Variants in DPP6 observed in about 807,000 individuals in gnomAD.
The protein encoded by DPP6 is dipeptidyl peptidase like 6, also known as A-type potassium channel modulatory protein DPP6.
Under a neutral mutation model 122.6 loss-of-function variants are expected in DPP6, and 69 were observed. The ratio of observed to expected loss-of-function variants is 0.56; its 90% CI spans 0.46 to 0.69. The LOEUF is 0.69. Among genes scored for constraint, DPP6 ranks in the 30% least tolerant of loss-of-function variants. The pLI, the probability that DPP6 is intolerant of heterozygous loss-of-function variation, is 0.00. For synonymous variants in DPP6, 418 were observed against 433.1 expected (o/e 0.97, Z 0.43); for missense variants, 928 against 1,116.9 (o/e 0.83, Z 2.41).
At chr7:154,369,864 C>G (rs116406089) in intron 1 of DPP6, among the ~76,000 whole-genome samples, 3,929 of 152,244 alleles carry the variant, frequency 0.026, 158 homozygotes, top group African/African-American at 0.088. Context: ...TCCTAGCTTT[C>G]CTATTTTCTC....
intron 8 of DPP6, among the ~76,000 whole-genome samples, chr7:154,733,076 C>T (rs183664533): frequency 1.1e-4 from 16 of 152,320 alleles, no homozygotes; most frequent in East Asian, 1.9e-4. Context: ...ACAGTCCCCA[C>T]GGAGCCACCG....
At chr7:154,889,404 C>T in intron 24 of DPP6, 53 bp from the exon 25 acceptor site, 1 of 1,604,734 alleles carries the variant, frequency 6.2e-7, no homozygotes, top group Non-Finnish European at 8.5e-7. Flanking sequence ...CTTGATGGCA[C>T]CATGGGTTTT....
intron 2 of DPP6, among the ~76,000 whole-genome samples, chr7:154,461,452 C>T (rs1035063984): frequency 1.3e-5 from 2 of 152,176 alleles, no homozygotes; most frequent in Non-Finnish European, 2.9e-5. Flanking sequence ...AACTCTTCTC[C>T]ATGGTGGTTG....
intron 7 of DPP6, among the ~76,000 whole-genome samples, chr7:154,712,432 CT>C (rs1841243681): frequency 6.6e-6 from 1 of 152,176 alleles, no homozygotes; most frequent in African/African-American, 2.4e-5. Context: ...GTGTATTTAA[CT>C]GAAACTTCCC....
chr7:154,452,699 CT>C (rs1820493090), intron 2 of DPP6, among the ~76,000 whole-genome samples: 1 of 152,220 alleles, frequency 6.6e-6, no homozygotes, highest in South Asian at 2.1e-4. Context: ...CTTGCCACCC[CT>C]GTGAGAAGAA....
At chr7:154,181,491 G>A (rs750896198) in intron 1 of DPP6, among the ~76,000 whole-genome samples, 1 of 152,150 alleles carries the variant, frequency 6.6e-6, no homozygotes, top group Non-Finnish European at 1.5e-5. Context: ...ACTGATGACG[G>A]CCTTAAATAA....
chr7:153,944,372 G>A (rs1801840951), intron 1 of DPP6, among the ~76,000 whole-genome samples: 1 of 152,206 alleles, frequency 6.6e-6, no homozygotes, highest in Non-Finnish European at 1.5e-5. Context: ...AAAAGAGGAA[G>A]GCAGCAGGGC....
chr7:154,368,486 C>A (rs565569530), intron 1 of DPP6, among the ~76,000 whole-genome samples: 2 of 152,314 alleles, frequency 1.3e-5, no homozygotes, highest in East Asian at 3.9e-4. Flanking sequence ...GCAGCGCTTG[C>A]GGCTGCAGTG....
intron 9 of DPP6, among the ~76,000 whole-genome samples, chr7:154,770,735 G>A (rs960275635): frequency 5.3e-5 from 8 of 152,236 alleles, no homozygotes; most frequent in African/African-American, 1.9e-4. Flanking sequence ...CAAGTGTCCA[G>A]TGGCTGGGAG....
intron 1 of DPP6, among the ~76,000 whole-genome samples, chr7:154,266,339 C>T (rs569549950): frequency 2.6e-5 from 4 of 152,218 alleles, no homozygotes; most frequent in South Asian, 2.1e-4. Flanking sequence ...CAAGATCTGG[C>T]GCAGGCTTTG....
intron 1 of DPP6, among the ~76,000 whole-genome samples, chr7:154,192,974 C>A (rs1223741376): frequency 6.6e-6 from 1 of 152,208 alleles, no homozygotes; most frequent in Non-Finnish European, 1.5e-5. Context: ...AAGGCATGTG[C>A]TGTTCAGAAG....
At chr7:154,809,264 A>C (rs866413207) in intron 16 of DPP6, among the ~76,000 whole-genome samples, 1 of 151,502 alleles carries the variant, frequency 6.6e-6, no homozygotes, top group African/African-American at 2.4e-5. Flanking sequence ...AAAAAAAAAA[A>C]AGAAGAAGAA....
chr7:154,421,601 G>A lies in DPP6; in HGVS notation c.244-24613G>A, dbSNP rs186294226. ...GGCCTCCCAAAACGCTGGGATTACG[G>A]GCATGAGCCACTGCGCCTGGCCTTT... On this transcript the variant is annotated intron_variant, in intron 1 of 25. Coordinates refer to ENST00000377770, the MANE Select transcript of DPP6 (RefSeq NM_130797.4). Among the ~76,000 whole-genome samples the A allele has an allele frequency of 2.3e-3, 348 of 152,274 alleles. 1 individual carries two copies. Among genetic ancestry groups the A allele is most frequent in the African/African-American group, 7.8e-3 (326 of 41,560 alleles).
intron 3 of DPP6, among the ~76,000 whole-genome samples, chr7:154,503,530 A>T (rs561776543): frequency 6.6e-6 from 1 of 152,230 alleles, no homozygotes; most frequent in Admixed American, 6.5e-5. Flanking sequence ...CATAAATGAC[A>T]TTAAAGAATA....
Position 154,250,283 on chromosome 7 carries a change from G to T in DPP6, c.244-195931G>T, listed in dbSNP as rs1350116244. Among the ~76,000 whole-genome samples the T allele has an allele frequency of 3.9e-5, 6 of 152,096 alleles. No homozygotes were observed. The East Asian group carries it at 1.2e-3, about 29-fold the overall frequency. On this transcript the variant is annotated intron_variant, in intron 1 of 25. Transcript: ENST00000377770. ...ACTCGGTGTCTGAGGGGTTTTGTCT[G>T]TGGCTCGTCCTGCTACAGATGGGCA...
At chr7:153,835,426 C>T in the DPP6 span, among the ~76,000 whole-genome samples, 32 of 150,196 alleles carry the variant, frequency 2.1e-4, 1 homozygote, top group East Asian at 4.7e-3. Context: ...GTGTATTTTT[C>T]GTTTCCAGGT....
intron 1 of DPP6, among the ~76,000 whole-genome samples, chr7:154,313,685 G>GTATATATATATATATATA (rs1170662489): frequency 4.4e-4 from 9 of 20,446 alleles, no homozygotes; most frequent in African/African-American, 1.0e-3. Flanking sequence ...TTAAGATATG[G>GTATATATATATATATATA]TATATATATA....
the DPP6 span, among the ~76,000 whole-genome samples, chr7:153,791,287 C>T: frequency 7.0e-6 from 1 of 143,104 alleles, no homozygotes; most frequent in Non-Finnish European, 1.5e-5. Context: ...TGTTTTATGG[C>T]AAAGGGACTT....
intron 1 of DPP6, among the ~76,000 whole-genome samples, chr7:154,220,397 A>G (rs1434895887): frequency 1.3e-5 from 2 of 152,178 alleles, no homozygotes; most frequent in African/African-American, 2.4e-5. Flanking sequence ...AAAAGATACA[A>G]TAGACCCTGA....
Sources: allele counts gnomAD v4.1 joint callset (sites outside exome capture counted in the v4.1 genomes callset), GRCh38; gene constraint gnomAD v4.1.1; transcripts MANE v1.5; gene names NCBI Gene and HGNC (gene_info 2026-07-23, HGNC 2026-07-21).